Variants in TMPRSS11E observed in about 807,000 individuals in gnomAD.
TMPRSS11E encodes the protein transmembrane protease serine 11E.
In TMPRSS11E, 38 loss-of-function variants were observed where a neutral mutation model predicts 48.1. The ratio of observed to expected loss-of-function variants is 0.79; its 90% confidence interval spans 0.61 to 1.04. The LOEUF (loss-of-function observed/expected upper bound fraction) is 1.04, where lower values mean the gene tolerates loss of function less well. Ranked by LOEUF, TMPRSS11E falls within the 50% of genes least tolerant of loss-of-function variation. The pLI is 0.00. For synonymous variants in TMPRSS11E, 158 were observed against 171.9 expected, an observed-to-expected ratio of 0.92 and a Z score of 0.63; for missense variants, 530 against 510.8, an observed-to-expected ratio of 1.04 and a Z score of -0.36.
intron 2 of TMPRSS11E, among the ~76,000 whole-genome samples, chr4:68,464,542 T>C (rs892051885): frequency 1.3e-5 from 2 of 152,218 alleles, no homozygotes; most frequent in African/African-American, 4.8e-5. Context: ...ATTCCCAACA[T>C]ATTTTAGTAA....
intron 9 of TMPRSS11E, among the ~76,000 whole-genome samples, chr4:68,484,410 G>T (rs986865521): frequency 1.3e-5 from 2 of 152,008 alleles, no homozygotes; most frequent in East Asian, 1.9e-4. Context: ...GGGCTCAAGC[G>T]ATCCTCCCAC....
Position 68,496,643 on chromosome 4 carries a change from G to A in TMPRSS11E, c.1111G>A (p.Gly371Ser). 6.2e-7 allele frequency: 1 copy of A among 1,609,892 alleles called. No individual in the cohort carries two copies. Among genetic ancestry groups the A allele is most frequent in the Non-Finnish European group, 8.5e-7 (1 of 1,178,412 alleles). ...SLEGKTDACQ[G>S]DSGGPLVSSD... ...TACTAATTTCTGTCTTCTCCTTTAG[G>A]GTGACTCTGGAGGACCACTGGTTAG... is the stretch of plus-strand genomic sequence containing the variant. The change falls in exon 10 of 10, where the codon GGT (glycine) becomes AGT (serine). Residue 371 changes from glycine (G) to serine (S), a missense_variant and splice_region_variant. Physicochemically the swap from Gly to Ser is moderately conservative, Grantham distance 56. Transcript: ENST00000305363.
At chr4:68,487,415 G>A (rs1473959365) in intron 9 of TMPRSS11E, among the ~76,000 whole-genome samples, 1 of 151,954 alleles carries the variant, frequency 6.6e-6, no homozygotes, top group African/African-American at 2.4e-5. Context: ...ATTACACCTG[G>A]CTAATTTTGT....
intron 4 of TMPRSS11E, among the ~76,000 whole-genome samples, chr4:68,469,838 C>T (rs1472775644): frequency 1.3e-5 from 2 of 151,916 alleles, no homozygotes; most frequent in Non-Finnish European, 2.9e-5. Flanking sequence ...CAGGAAGAAT[C>T]CAATCACATA....
At chr4:68,453,304 G>A (rs1728546295) in intron 1 of TMPRSS11E, among the ~76,000 whole-genome samples, 1 of 151,874 alleles carries the variant, frequency 6.6e-6, no homozygotes, top group South Asian at 2.1e-4. Context: ...TGTGGGTGGG[G>A]AAATGTAGAT....
intron 2 of TMPRSS11E, among the ~76,000 whole-genome samples, chr4:68,465,426 T>C (rs900765593): frequency 5.9e-5 from 9 of 152,196 alleles, no homozygotes; most frequent in Admixed American, 1.3e-4. Flanking sequence ...ATTTGTCCTC[T>C]AGCTTTAATA....
Position 68,466,766 on chromosome 4 carries a change from CATCT to C in TMPRSS11E, c.258+16_258+19del. 5.0e-6 allele frequency: 8 copies of C among 1,613,196 alleles called. No individual in the cohort carries two copies. Among genetic ancestry groups the C allele is most frequent in the Non-Finnish European group, 6.8e-6 (8 of 1,179,468 alleles). On this transcript the variant is annotated intron_variant, in intron 3 of 9. Transcript: ENST00000305363. ...CTTGAATCAATGGTAAGCAACTTGT[CATCT>C]ACTTCTAGTGCATTTGCTTTCACTT...
At chr4:68,449,051 T>C (rs1182622262) in intron 1 of TMPRSS11E, among the ~76,000 whole-genome samples, 8 of 151,846 alleles carry the variant, frequency 5.3e-5, no homozygotes, top group African/African-American at 9.6e-5. Context: ...TTTTATTAAA[T>C]AGCATGCTCC....
intron 7 of TMPRSS11E, among the ~76,000 whole-genome samples, chr4:68,477,107 T>C (rs1729242132): frequency 6.6e-6 from 1 of 152,078 alleles, no homozygotes; most frequent in East Asian, 1.9e-4. Context: ...TCCCTTGGAG[T>C]CATTAATATA....
At chr4:68,457,678 A>T (rs1031821386) in intron 1 of TMPRSS11E, among the ~76,000 whole-genome samples, 1 of 152,098 alleles carries the variant, frequency 6.6e-6, no homozygotes, top group African/African-American at 2.4e-5. Flanking sequence ...TGTTATACGT[A>T]TCTCATTTCT....
At chr4:68,470,165 A>T (rs1352863144) in intron 4 of TMPRSS11E, among the ~76,000 whole-genome samples, 1 of 151,908 alleles carries the variant, frequency 6.6e-6, no homozygotes, top group Non-Finnish European at 1.5e-5. Flanking sequence ...TTTGCTCATG[A>T]TCAACTCAAA....
At position 68,476,320 on chromosome 4, in the gene TMPRSS11E, G is replaced by A; in HGVS notation, c.589G>A (p.Glu197Lys). The A allele has an allele frequency of 1.2e-6, 2 of 1,614,200 alleles. No homozygotes were observed. Among genetic ancestry groups the A allele is most frequent in the South Asian group, 1.1e-5 (1 of 91,090 alleles). The change falls in exon 7 of 10, where the codon GAA (glutamate) becomes AAA (lysine). Residue 197 changes from glutamate to lysine, a missense_variant. Coordinates refer to ENST00000305363, the MANE Select transcript of TMPRSS11E (RefSeq NM_014058.4). Reference protein sequence around the residue: ...GQSLRIVGGTEVEEGEWPWQA... With the variant: ...GQSLRIVGGTKVEEGEWPWQA... ...GAGTCTCAGGATCGTTGGTGGGACA[G>A]AAGTAGAAGAGGGTGAATGGCCCTG... is the stretch of plus-strand genomic sequence containing the variant.
At chr4:68,452,232 A>T (rs186402488) in intron 1 of TMPRSS11E, among the ~76,000 whole-genome samples, 1 of 151,906 alleles carries the variant, frequency 6.6e-6, no homozygotes, top group Non-Finnish European at 1.5e-5. Context: ...ACCGGTGGCT[A>T]CATGACCCAA....
At chr4:68,453,343 C>G (rs927944517) in intron 1 of TMPRSS11E, among the ~76,000 whole-genome samples, 9 of 151,800 alleles carry the variant, frequency 5.9e-5, no homozygotes, top group Non-Finnish European at 1.3e-4. Flanking sequence ...TTTCCTAGAG[C>G]CACCTAACTA....
intron 1 of TMPRSS11E, among the ~76,000 whole-genome samples, chr4:68,455,356 G>T (rs912583561): frequency 6.6e-6 from 1 of 151,918 alleles, no homozygotes; most frequent in Non-Finnish European, 1.5e-5. Flanking sequence ...AATTTCCGCT[G>T]ATTTTTTAAC....
chr4:68,458,939 C>T (rs940929772), intron 1 of TMPRSS11E, among the ~76,000 whole-genome samples: 2 of 151,988 alleles, frequency 1.3e-5, no homozygotes, highest in Non-Finnish European at 2.9e-5. Flanking sequence ...AGTACCAAAC[C>T]GCCTTCTCAT....
In TMPRSS11E at chr4:68,496,773, G is replaced by A; in HGVS notation, c.1241G>A (p.Arg414Gln). 5 of 1,613,160 alleles carry A rather than the reference G, an allele frequency of 3.1e-6. No homozygotes were observed. The highest frequency in any genetic ancestry group is 1.3e-5 in the African/African-American group (1 of 74,988). ...GTTTATACTAGAGTTACGGCCTTGC[G>A]GGACTGGATTACTTCAAAAACTGGT... ...PGVYTRVTAL[R>Q]DWITSKTGI Residue 414 changes from arginine to glutamine, a missense_variant, in exon 10 of 10, where the codon CGG becomes CAG. Arg to Gln is a conservative substitution (Grantham distance 43). Coordinates refer to ENST00000305363, the MANE Select transcript of TMPRSS11E (RefSeq NM_014058.4).
At chr4:68,495,486 G>A (rs527882137) in intron 9 of TMPRSS11E, among the ~76,000 whole-genome samples, 52 of 152,046 alleles carry the variant, frequency 3.4e-4, no homozygotes, top group African/African-American at 1.2e-3. Flanking sequence ...CAGATTGCAG[G>A]TTTCTAGAGG....
In TMPRSS11E at chr4:68,476,334, T is replaced by C; in HGVS notation, c.603T>C (p.Gly201=). ...TTGGTGGGACAGAAGTAGAAGAGGGTGAATGGCCCTGGCAGGCTAGCCTGC... is the reference window on the plus strand; with the variant it reads ...TTGGTGGGACAGAAGTAGAAGAGGGCGAATGGCCCTGGCAGGCTAGCCTGC... ...RIVGGTEVEE[G]EWPWQASLQW... is the part of the protein sequence containing the mutation. Residue 201 remains glycine (G), a synonymous_variant, in exon 7 of 10, where the codon GGT becomes GGC. Coordinates refer to ENST00000305363, the MANE Select transcript of TMPRSS11E (RefSeq NM_014058.4). The C allele has an allele frequency of 6.2e-6, 10 of 1,613,806 alleles. No individual in the cohort carries two copies. The highest frequency in any genetic ancestry group is 8.5e-6 in the Non-Finnish European group (10 of 1,179,954).
Sources: allele counts gnomAD v4.1 joint callset (sites outside exome capture counted in the v4.1 genomes callset), GRCh38; gene constraint gnomAD v4.1.1; transcripts MANE v1.5; gene names NCBI Gene and HGNC (gene_info 2026-07-23, HGNC 2026-07-21).